CCDC181: variants seen among roughly 807,000 people sequenced by gnomAD.
The protein encoded by CCDC181 is coiled-coil domain-containing protein 181.
A neutral mutation model predicts 58.7 loss-of-function variants in CCDC181; 35 were observed. The ratio of observed to expected loss-of-function variants is 0.60; its 90% CI spans 0.46 to 0.79. CCDC181 has a LOEUF of 0.79. CCDC181 is among the 30% of genes least tolerant of loss of function. The pLI is 0.00. For synonymous variants in CCDC181, 183 were observed against 197.5 expected (o/e 0.93, Z 0.62); for missense variants, 517 against 583.9 (o/e 0.89, Z 1.18).
intron 4 of CCDC181, among the ~76,000 whole-genome samples, 161 bp from the exon 5 acceptor site, chr1:169,397,552 C>T (rs774585559): frequency 2.0e-5 from 3 of 152,140 alleles, no homozygotes; most frequent in Non-Finnish European, 4.4e-5. Flanking sequence ...AAATACATCA[C>T]GCTTAAGTTT....
chr1:169,416,390 T>C (rs2102078072), intron 4 of CCDC181, among the ~76,000 whole-genome samples: 1 of 152,270 alleles, frequency 6.6e-6, no homozygotes, highest in South Asian at 2.1e-4. Context: ...TTTTTTCCGA[T>C]AGGAGCCTCT....
At chr1:169,459,344 C>T (rs1170954722) in intron 2 of CCDC181, among the ~76,000 whole-genome samples, 1 of 152,136 alleles carries the variant, frequency 6.6e-6, no homozygotes, top group Non-Finnish European at 1.5e-5. Context: ...AATGATTTCT[C>T]GAGATGATTT....
At chr1:169,453,494 A>C (rs1657603526) in intron 2 of CCDC181, among the ~76,000 whole-genome samples, 1 of 152,080 alleles carries the variant, frequency 6.6e-6, no homozygotes, top group South Asian at 2.1e-4. Flanking sequence ...TCCTAGAAGA[A>C]TGTGAATGAC....
intron 4 of CCDC181, among the ~76,000 whole-genome samples, chr1:169,415,339 G>C (rs113306097): frequency 3.9e-5 from 6 of 152,272 alleles, no homozygotes; most frequent in African/African-American, 1.4e-4. Flanking sequence ...GCAATATGCT[G>C]TGCTGCTTCT....
Position 169,422,039 on chromosome 1 carries a change from A to G in CCDC181, c.392T>C (p.Ile131Thr), listed in dbSNP as rs752577292. 1.2e-6 allele frequency: 2 copies of G among 1,613,968 alleles called. No individual in the cohort carries two copies. Among genetic ancestry groups the G allele is most frequent in the South Asian group, 1.1e-5 (1 of 91,074 alleles). Reference sequence around the variant, plus strand: ...CTGTAGAAGCTTGTTAGCTTGTACAATTTTCTCCATAATATATCTCCTTAC... The same window carrying G: ...CTGTAGAAGCTTGTTAGCTTGTACAGTTTTCTCCATAATATATCTCCTTAC... ...EEVRRYIMEK[I>T]VQANKLLQNQ... Residue 131 changes from isoleucine (I) to threonine (T), a missense_variant, in exon 3 of 6, where the codon ATT (isoleucine) becomes ACT (threonine). Ile to Thr is a moderately conservative substitution (Grantham distance 89). Coordinates refer to ENST00000367806, the MANE Select transcript of CCDC181 (RefSeq NM_001300969.2).
chr1:169,402,873 A>G (rs892471471), intron 4 of CCDC181, among the ~76,000 whole-genome samples: 1 of 152,182 alleles, frequency 6.6e-6, no homozygotes, highest in African/African-American at 2.4e-5. Context: ...CATTGGATAA[A>G]GAGTCAAGAC....
intron 2 of CCDC181, among the ~76,000 whole-genome samples, chr1:169,437,386 C>T (rs748190034): frequency 3.3e-5 from 5 of 152,148 alleles, no homozygotes; most frequent in Non-Finnish European, 7.3e-5. Flanking sequence ...AGTCTAGCGC[C>T]CAGGCAAGAA....
chr1:169,422,712 G>C (rs1167504982), intron 2 of CCDC181, among the ~76,000 whole-genome samples: 1 of 151,948 alleles, frequency 6.6e-6, no homozygotes, highest in African/African-American at 2.4e-5. Context: ...CAATCAAACA[G>C]CTTTCTCCCC....
intron 4 of CCDC181, among the ~76,000 whole-genome samples, chr1:169,409,130 T>C (rs1655824659): frequency 6.6e-6 from 1 of 152,164 alleles, no homozygotes; most frequent in Non-Finnish European, 1.5e-5. Flanking sequence ...GCAAGGAAGC[T>C]AAGAATCTTC....
upstream of CCDC181, among the ~76,000 whole-genome samples, chr1:169,428,789 G>GA (rs1656818348): frequency 6.6e-6 from 1 of 152,158 alleles, no homozygotes. Context: ...CAGAGTAGCT[G>GA]AAACTACAGG....
At chr1:169,401,528 A>C (rs115729411) in intron 4 of CCDC181, among the ~76,000 whole-genome samples, 1,550 of 152,290 alleles carry the variant, frequency 0.01, 27 homozygotes, top group African/African-American at 0.035. Context: ...GGTGAGACCC[A>C]AGCAAACCAG....
chr1:169,449,676 C>T (rs554987644), intron 2 of CCDC181, among the ~76,000 whole-genome samples: 3 of 152,306 alleles, frequency 2.0e-5, no homozygotes, highest in South Asian at 2.1e-4. Flanking sequence ...GTCTGATGTT[C>T]GAGGGCAGGA....
At chr1:169,449,745 C>A (rs907162955) in intron 2 of CCDC181, among the ~76,000 whole-genome samples, 2 of 152,206 alleles carry the variant, frequency 1.3e-5, no homozygotes, top group Non-Finnish European at 2.9e-5. Flanking sequence ...GGTCTTTCCA[C>A]CTTCTTCTGC....
chr1:169,438,731 G>A (rs771407078), intron 2 of CCDC181, among the ~76,000 whole-genome samples: 2 of 152,104 alleles, frequency 1.3e-5, no homozygotes, highest in Admixed American at 1.3e-4. Context: ...GGTGAAGAGC[G>A]AATAGCCACC....
intron 5 of CCDC181, among the ~76,000 whole-genome samples, chr1:169,396,768 C>T (rs993039057): frequency 5.7e-4 from 86 of 152,212 alleles, no homozygotes; most frequent in African/African-American, 2.0e-3. Context: ...AAAATATGTA[C>T]CCAAATCTCC....
chr1:169,459,917 A>C (rs1456809303), intron 1 of CCDC181: 2 of 150,482 alleles, frequency 1.3e-5, no homozygotes, highest in Admixed American at 6.6e-5. Context: ...AAAAAAAAAA[A>C]AAAAAAAAAA....
intron 2 of CCDC181, among the ~76,000 whole-genome samples, chr1:169,445,881 G>A (rs1657359082): frequency 6.6e-6 from 1 of 152,092 alleles, no homozygotes; most frequent in African/African-American, 2.4e-5. Context: ...AAATCTGTGT[G>A]CATAGAGCTG....
At chr1:169,429,166 G>A (rs562989741), upstream of CCDC181, among the ~76,000 whole-genome samples, 41 of 152,164 alleles carry the variant, frequency 2.7e-4, no homozygotes, top group Non-Finnish European at 5.9e-4. Context: ...AGTATTCCAT[G>A]GTATGTATAT....
intron 2 of CCDC181, among the ~76,000 whole-genome samples, chr1:169,436,560 T>A (rs1033090082): frequency 2.6e-5 from 4 of 152,100 alleles, no homozygotes; most frequent in African/African-American, 9.7e-5. Context: ...ATAAAAAGAA[T>A]GAAAAGCAAA....
Sources: gnomAD v4.1 joint callset for allele counts (sites outside exome capture counted in the v4.1 genomes callset) on GRCh38, gnomAD v4.1.1 for gene constraint, MANE v1.5 for transcripts, NCBI Gene and HGNC (gene_info 2026-07-23, HGNC 2026-07-21) for gene names.